The following COPG2 variants were observed in gnomAD, a reference collection of about 807,000 sequenced individuals.
COPG2 encodes the protein coat protein complex I subunit gamma 2.
Under a neutral mutation model 46.3 loss-of-function variants are expected in COPG2, and 37 were observed. That is an observed-to-expected ratio of 0.80 (90% CI 0.61 to 1.05). COPG2 has a LOEUF of 1.05. COPG2 is among the 50% of genes least tolerant of loss of function. The pLI is 0.00. For synonymous variants in COPG2, 159 were observed against 129.7 expected (o/e 1.23, Z -1.53); for missense variants, 427 against 387.8 (o/e 1.10, Z -0.85).
intron 20 of COPG2, among the ~76,000 whole-genome samples, chr7:130,531,541 G>A (rs1375060981): frequency 6.6e-6 from 1 of 152,054 alleles, no homozygotes; most frequent in Non-Finnish European, 1.5e-5. Flanking sequence ...CAGGTGGCAG[G>A]GAGGGGCACA....
intron 5 of COPG2, among the ~76,000 whole-genome samples, chr7:130,631,862 C>T (rs1795240446): frequency 6.6e-6 from 1 of 152,146 alleles, no homozygotes; most frequent in South Asian, 2.1e-4. Context: ...TCCATATCTT[C>T]ATTATCATTT....
At chr7:130,633,819 C>T (rs1416497455) in intron 5 of COPG2, among the ~76,000 whole-genome samples, 2 of 152,200 alleles carry the variant, frequency 1.3e-5, no homozygotes, top group Non-Finnish European at 2.9e-5. Flanking sequence ...AATGGTATTA[C>T]CGAGGTTTTC....
At chr7:130,517,078 C>T (rs1422507181) in intron 20 of COPG2, among the ~76,000 whole-genome samples, 2 of 152,016 alleles carry the variant, frequency 1.3e-5, no homozygotes, top group East Asian at 3.9e-4. Context: ...GATATAGCAG[C>T]ATGATTCTCT....
chr7:130,634,984 T>A (rs1297233502), intron 5 of COPG2, among the ~76,000 whole-genome samples: 1 of 151,450 alleles, frequency 6.6e-6, no homozygotes. Context: ...GTTTTTGTCA[T>A]TGGCTCTGTT....
chr7:130,638,577 C>T (rs185091251), intron 5 of COPG2, among the ~76,000 whole-genome samples: 2 of 152,112 alleles, frequency 1.3e-5, no homozygotes, highest in Non-Finnish European at 2.9e-5. Flanking sequence ...CCCCTCCCCC[C>T]ACACCAAGCT....
In COPG2 at chr7:130,605,823, C is replaced by T. The variant is rs782481546; in HGVS notation, c.737+5130G>A. ...AGGCCTGTGTCAGACTTCTAATCTACAGATCTGAGATAATAAATGGATCTT... is the reference window on the plus strand; with the variant it reads ...AGGCCTGTGTCAGACTTCTAATCTATAGATCTGAGATAATAAATGGATCTT... On this transcript the variant is annotated intron_variant, in intron 9 of 23. Transcript: ENST00000425248. 1.4e-5 allele frequency: 7 copies of T among 516,898 alleles called. No individual in the cohort carries two copies. The Admixed American group carries it at 1.4e-4, about 10-fold the overall frequency. The allele number at this position is 516,898 out of a possible 1,614,324, so 32.0% of individuals were successfully genotyped here. A position where few individuals can be genotyped will look rare whatever the true frequency, so the allele number is the denominator to read the frequency against.
intron 9 of COPG2, among the ~76,000 whole-genome samples, chr7:130,575,877 T>C (rs1563047225): frequency 6.6e-6 from 1 of 152,160 alleles, no homozygotes; most frequent in Non-Finnish European, 1.5e-5. Flanking sequence ...CTTTATGAAA[T>C]ACCTCATGCA....
At chr7:130,637,488 G>A (rs552091998) in intron 5 of COPG2, among the ~76,000 whole-genome samples, 16 of 151,826 alleles carry the variant, frequency 1.1e-4, no homozygotes, top group Non-Finnish European at 2.1e-4. Context: ...TTCAATCTCC[G>A]ATATCCTTTC....
intron 20 of COPG2, among the ~76,000 whole-genome samples, chr7:130,512,052 TAAA>T (rs1182017221): frequency 0.45 from 44,645 of 98,502 alleles, 10,016 homozygotes; most frequent in East Asian, 0.58. Flanking sequence ...CTGTGTCTTC[TAAA>T]AAAAAAAAAA....
intron 9 of COPG2, among the ~76,000 whole-genome samples, chr7:130,584,644 T>C (rs565139089): frequency 3.3e-5 from 5 of 152,166 alleles, no homozygotes; most frequent in African/African-American, 1.2e-4. Context: ...CACAAATCAG[T>C]AGCTCTTCTA....
At chr7:130,614,034 T>C (rs1554452530) in intron 6 of COPG2, among the ~76,000 whole-genome samples, 1 of 152,206 alleles carries the variant, frequency 6.6e-6, no homozygotes, top group Non-Finnish European at 1.5e-5. Context: ...ACATATTATA[T>C]ACAGATCCCA....
chr7:130,518,842 A>G (rs1799700932), intron 20 of COPG2, among the ~76,000 whole-genome samples: 1 of 151,984 alleles, frequency 6.6e-6, no homozygotes, highest in African/African-American at 2.4e-5. Flanking sequence ...CGTCTCTACT[A>G]AAAATACAAA....
chr7:130,513,308 A>AAAAAAAAT (rs1236511164), intron 20 of COPG2, among the ~76,000 whole-genome samples: 2 of 55,686 alleles, frequency 3.6e-5, no homozygotes, highest in Non-Finnish European at 5.9e-5. Flanking sequence ...AAAAAAAAAA[A>AAAAAAAAT]ATATATATAT....
At chr7:130,654,657 A>AT (rs782419462) in intron 4 of COPG2, among the ~76,000 whole-genome samples, 1 of 152,148 alleles carries the variant, frequency 6.6e-6, no homozygotes, top group Non-Finnish European at 1.5e-5. Flanking sequence ...AAACACAAAG[A>AT]TGAGTATTTG....
At chr7:130,662,589 C>T (rs928260297) in intron 4 of COPG2, among the ~76,000 whole-genome samples, 2 of 152,242 alleles carry the variant, frequency 1.3e-5, no homozygotes, top group Non-Finnish European at 2.9e-5. Context: ...CCCCACTCCA[C>T]ATCCAGCTCT....
intron 5 of COPG2, among the ~76,000 whole-genome samples, chr7:130,637,360 C>T (rs1028847623): frequency 6.6e-6 from 1 of 151,984 alleles, no homozygotes; most frequent in African/African-American, 2.4e-5. Flanking sequence ...TCAGGTACGC[C>T]AATCAAACGT....
rs1369111598 is a variant in COPG2 at position 130,580,092 on chromosome 7, G to A, written c.738-15699C>T. On this transcript the variant is annotated intron_variant, in intron 9 of 23. Coordinates refer to ENST00000425248, the MANE Select transcript of COPG2 (RefSeq NM_012133.6). ...TATTCCAAAATTGACCACATACTTGGAAGTAAAGCACTCCTCAGCAAATGT... is the reference window on the plus strand; with the variant it reads ...TATTCCAAAATTGACCACATACTTGAAAGTAAAGCACTCCTCAGCAAATGT... Among the ~76,000 whole-genome samples, 18 of 151,630 alleles carry A rather than the reference G, an allele frequency of 1.2e-4. No homozygotes were observed. In the East Asian group the frequency reaches 3.5e-3, roughly 29 times the overall value.
At chr7:130,530,403 G>C (rs1409349626) in intron 20 of COPG2, among the ~76,000 whole-genome samples, 1 of 152,202 alleles carries the variant, frequency 6.6e-6, no homozygotes, top group Non-Finnish European at 1.5e-5. Flanking sequence ...GAAAAGGCTT[G>C]AGTGGAAGAA....
At chr7:130,573,640 T>C (rs982251715) in intron 9 of COPG2, among the ~76,000 whole-genome samples, 15 of 152,050 alleles carry the variant, frequency 9.9e-5, no homozygotes, top group Non-Finnish European at 4.4e-5. Context: ...CTAACACACA[T>C]TAATAATATA....
Sources: allele counts gnomAD v4.1 joint callset (sites outside exome capture counted in the v4.1 genomes callset), GRCh38; gene constraint gnomAD v4.1.1; transcripts MANE v1.5; gene names NCBI Gene and HGNC (gene_info 2026-07-23, HGNC 2026-07-21).